ZFHX3: variants seen among roughly 807,000 people sequenced by gnomAD.
The protein encoded by ZFHX3 is zinc finger homeobox 3.
ZFHX3 carries 42 observed loss-of-function variants against 279.1 expected under a neutral mutation model. The observed-to-expected ratio is 0.15, with a 90% confidence interval of 0.12 to 0.19. ZFHX3 has a LOEUF of 0.19. Among genes scored for constraint, ZFHX3 ranks in the 10% least tolerant of loss-of-function variants. ZFHX3 has a pLI of 1.00. For synonymous variants in ZFHX3, 2,293 were observed against 1,957.8 expected (o/e 1.17, Z -4.52); for missense variants, 4,981 against 4,754.0 (o/e 1.05, Z -1.40).
rs752614890 is a variant in ZFHX3 at position 73,234,358 on chromosome 16, C to T, written c.-1104+22689G>A. Among the ~76,000 whole-genome samples the T allele has an allele frequency of 1.7e-3, 261 of 152,302 alleles. 1 individual carries two copies. The highest frequency in any genetic ancestry group is 7.6e-4 in the Non-Finnish European group (52 of 68,030). ...AATGGCTGTCTCCTCTCTCTAAAGC[C>T]GGCACAGCCATGCGCGCCAGCCACT... On this transcript the variant is annotated intron_variant, in intron 5 of 17. Coordinates refer to the ZFHX3 transcript ENST00000641206.
At chr16:73,774,979 C>A (rs1173127964) in intron 1 of ZFHX3, among the ~76,000 whole-genome samples, 1 of 152,180 alleles carries the variant, frequency 6.6e-6, no homozygotes, top group Non-Finnish European at 1.5e-5. Flanking sequence ...CCTGGTCTAA[C>A]CCCAGATATC....
chr16:73,876,098 C>T (rs892623939), intron 1 of ZFHX3, among the ~76,000 whole-genome samples: 10 of 152,124 alleles, frequency 6.6e-5, no homozygotes, highest in African/African-American at 2.2e-4. Flanking sequence ...AAAGCCACAG[C>T]GTATGAAACA....
chr16:73,168,223 C>CTTTCTTTCT (rs1567408167), intron 5 of ZFHX3, among the ~76,000 whole-genome samples: 5 of 129,732 alleles, frequency 3.9e-5, no homozygotes, highest in Non-Finnish European at 8.2e-5. Context: ...TTCTTTCTTT[C>CTTTCTTTCT]TTTCTTTCTT....
chr16:73,703,697 T>C (rs890450898), intron 1 of ZFHX3, among the ~76,000 whole-genome samples: 1 of 152,158 alleles, frequency 6.6e-6, no homozygotes, highest in African/African-American at 2.4e-5. Context: ...TGGCAGACAC[T>C]GGACTGGACT....
chr16:73,252,335 G>T (rs770906565), intron 5 of ZFHX3, among the ~76,000 whole-genome samples: 1 of 152,202 alleles, frequency 6.6e-6, no homozygotes, highest in Admixed American at 6.5e-5. Context: ...AGGCATTGAC[G>T]GCTGGAGCTG....
intron 1 of ZFHX3, among the ~76,000 whole-genome samples, chr16:73,741,716 T>C (rs752026798): frequency 3.0e-4 from 45 of 152,208 alleles, no homozygotes; most frequent in African/African-American, 1.1e-3. Flanking sequence ...ACTTCTTTTA[T>C]ATCCTTTTTT....
At chr16:73,634,011 T>C (rs760711326) in intron 2 of ZFHX3, among the ~76,000 whole-genome samples, 1 of 152,196 alleles carries the variant, frequency 6.6e-6, no homozygotes, top group Non-Finnish European at 1.5e-5. Context: ...ACAATAATTA[T>C]AATACATCTA....
chr16:73,563,459 G>A (rs376953653), intron 2 of ZFHX3, among the ~76,000 whole-genome samples: 2 of 151,972 alleles, frequency 1.3e-5, no homozygotes, highest in African/African-American at 4.8e-5. Context: ...GGGTTTCACC[G>A]TGTTAGCCAG....
At position 72,793,292 on chromosome 16, in the gene ZFHX3, G is replaced by A. The variant is rs748604238; in HGVS notation, c.9390C>T (p.Asn3130=). 2.5e-6 allele frequency: 4 copies of A among 1,614,070 alleles called. No individual in the cohort carries two copies. Among genetic ancestry groups the A allele is most frequent in the Non-Finnish European group, 3.4e-6 (4 of 1,179,938 alleles). Residue 3130 remains asparagine, a synonymous_variant, in exon 9 of 10, where the codon AAC becomes AAT. Coordinates refer to ENST00000268489, the MANE Select transcript of ZFHX3 (RefSeq NM_006885.4). This position sits in a 1 kb window ranked among gnomAD's most constrained non-coding sequence, Gnocchi z 4.3. The part of the protein sequence containing the change: ...GIPPVLLPGL[N]SPSLPGFTPS... ...GAGTAAAGCCTGGCAAGGAGGGGCT[G>A]TTGAGGCCCGGGAGCAACACAGGAG... is the stretch of plus-strand genomic sequence containing the variant.
chr16:73,869,265 A>T (rs746989164), intron 1 of ZFHX3, among the ~76,000 whole-genome samples: 6 of 152,250 alleles, frequency 3.9e-5, no homozygotes, highest in Non-Finnish European at 7.3e-5. Flanking sequence ...ATGACTCATG[A>T]ATAAGCAAAC....
chr16:73,838,804 A>G (rs1961216712), intron 1 of ZFHX3, among the ~76,000 whole-genome samples: 3 of 151,754 alleles, frequency 2.0e-5, no homozygotes, highest in Non-Finnish European at 4.4e-5. Context: ...GCGCGCACGC[A>G]TGTATGGTGT....
chr16:73,044,848 C>G (rs1276721819), intron 1 of ZFHX3, among the ~76,000 whole-genome samples: 11 of 152,068 alleles, frequency 7.2e-5, no homozygotes, highest in Admixed American at 7.2e-4. Flanking sequence ...CTCGAACTCC[C>G]AACCTCAAGT....
chr16:72,854,767 G>A (rs567164247), intron 4 of ZFHX3, among the ~76,000 whole-genome samples: 7 of 152,068 alleles, frequency 4.6e-5, no homozygotes, highest in South Asian at 2.1e-4. Context: ...AGGAGAGCCC[G>A]ATTGAGCCTC....
In ZFHX3 at chr16:72,960,088, G is replaced by A; in HGVS notation, c.58C>T (p.Gln20Ter). 6.2e-7 allele frequency: 1 copy of A among 1,612,424 alleles called. No individual in the cohort carries two copies. The highest frequency in any genetic ancestry group is 8.5e-7 in the Non-Finnish European group (1 of 1,179,258). ...TTGAGTTCAGTCCATTGCTGGTGCT[G>A]AGGGATACCGCACCCATTGTCCTTC... ...SGKDNGCGIP[Q>*]HQQWTELNST... The change falls in exon 2 of 10, where the codon CAG becomes TAG. Residue 20 changes from glutamine (Q) to a stop codon, truncating the protein, a stop_gained. Coordinates refer to ENST00000268489, the MANE Select transcript of ZFHX3 (RefSeq NM_006885.4). LOFTEE classifies it high-confidence loss of function.
At chr16:73,196,479 A>T (rs1234032714) in intron 5 of ZFHX3, among the ~76,000 whole-genome samples, 1 of 152,168 alleles carries the variant, frequency 6.6e-6, no homozygotes, top group Non-Finnish European at 1.5e-5. Context: ...TCTCTGAAAA[A>T]TAATTCTGAA....
rs548846946 is a variant in ZFHX3, at chr16:73,543,455, G to A, written c.-1546-87197C>T. On this transcript the variant is annotated intron_variant, in intron 2 of 17. Transcript: ENST00000641206. Reference sequence around the variant, plus strand: ...CTTGTGACCTGGAGGAAGCCTGTCCGGAATCCTTTGGAGGCACCGGCAGGG... The same window carrying A: ...CTTGTGACCTGGAGGAAGCCTGTCCAGAATCCTTTGGAGGCACCGGCAGGG... Among the ~76,000 whole-genome samples, 137 of 152,240 alleles carry A rather than the reference G, an allele frequency of 9.0e-4. 2 individuals carry two copies. The highest frequency in any genetic ancestry group is 2.7e-3 in the African/African-American group (114 of 41,524).
intron 2 of ZFHX3, among the ~76,000 whole-genome samples, chr16:73,458,048 C>T (rs933076521): frequency 6.6e-6 from 1 of 152,198 alleles, no homozygotes; most frequent in African/African-American, 2.4e-5. Flanking sequence ...CCTGCACCAT[C>T]CCGCAATAGA....
At chr16:73,461,512 T>A (rs1435504442) in intron 2 of ZFHX3, among the ~76,000 whole-genome samples, 2 of 152,188 alleles carry the variant, frequency 1.3e-5, no homozygotes, top group Admixed American at 6.5e-5. Context: ...AGTTGTATAG[T>A]TTTATGTTTT....
At chr16:73,593,780 TA>T (rs1307291783) in intron 2 of ZFHX3, among the ~76,000 whole-genome samples, 2 of 152,052 alleles carry the variant, frequency 1.3e-5, no homozygotes, top group Non-Finnish European at 2.9e-5. Flanking sequence ...ATTAGCACAT[TA>T]AAAAGAAAAA....
Sources: allele counts gnomAD v4.1 joint callset (sites outside exome capture counted in the v4.1 genomes callset), GRCh38; gene constraint gnomAD v4.1.1; non-coding constraint Gnocchi (gnomAD v3.1); transcripts MANE v1.5; gene names NCBI Gene and HGNC (gene_info 2026-07-23, HGNC 2026-07-21).